Variants in GALNT11 observed in about 807,000 individuals in gnomAD.
GALNT11 encodes the protein polypeptide N-acetylgalactosaminyltransferase 11, also known as UDP-GalNAc:polypeptide N-acetylgalactosaminyltransferase 11.
A neutral mutation model predicts 72.7 loss-of-function variants in GALNT11; 47 were observed. The ratio of observed to expected loss-of-function variants is 0.65; its 90% CI spans 0.51 to 0.82. The LOEUF (loss-of-function observed/expected upper bound fraction) is 0.82, where lower values mean the gene tolerates loss of function less well. Ranked by LOEUF, GALNT11 falls within the 40% of genes least tolerant of loss-of-function variation. The pLI is 0.00. For synonymous variants in GALNT11, 270 were observed against 286.6 expected (o/e 0.94, Z 0.58); for missense variants, 677 against 778.4 (o/e 0.87, Z 1.55).
At chr7:152,057,751 TCC>T (rs869136108) in intron 1 of GALNT11, among the ~76,000 whole-genome samples, 2 of 150,468 alleles carry the variant, frequency 1.3e-5, no homozygotes, top group East Asian at 2.0e-4. Context: ...ATATCCAATT[TCC>T]CCTGTTATTA....
At chr7:152,076,493 T>G (rs2084988653) in intron 1 of GALNT11, among the ~76,000 whole-genome samples, 1 of 152,212 alleles carries the variant, frequency 6.6e-6, no homozygotes, top group South Asian at 2.1e-4. Flanking sequence ...GAAGCTTGAT[T>G]GTGCTGAGGA....
chr7:152,096,266 A>T (rs772918588), intron 2 of GALNT11, among the ~76,000 whole-genome samples: 20 of 152,210 alleles, frequency 1.3e-4, no homozygotes, highest in Non-Finnish European at 2.8e-4. Context: ...AAGAGGGAAA[A>T]GGTTATCCTA....
intron 1 of GALNT11, among the ~76,000 whole-genome samples, chr7:152,081,119 T>A (rs2085301314): frequency 6.6e-6 from 1 of 152,220 alleles, no homozygotes; most frequent in African/African-American, 2.4e-5. Context: ...CAGAAATGAT[T>A]TAGATTTCTG....
chr7:152,051,265 ATT>A (rs1406773149), intron 1 of GALNT11, among the ~76,000 whole-genome samples: 1 of 122,918 alleles, frequency 8.1e-6, no homozygotes, highest in Non-Finnish European at 1.6e-5. Context: ...CCAGATCCAC[ATT>A]TATTTGGTTG....
intron 1 of GALNT11, among the ~76,000 whole-genome samples, chr7:152,089,166 G>C (rs2085841106): frequency 6.6e-6 from 1 of 152,110 alleles, no homozygotes; most frequent in Non-Finnish European, 1.5e-5. Flanking sequence ...GTGGCTGATG[G>C]GTTGGGGATG....
chr7:152,089,410 C>T (rs747416744), intron 1 of GALNT11, among the ~76,000 whole-genome samples: 3 of 152,226 alleles, frequency 2.0e-5, no homozygotes, highest in Admixed American at 6.5e-5. Context: ...GGGTGCTCAT[C>T]GCAGTTGGAA....
At chr7:152,078,058 G>A (rs565906428) in intron 1 of GALNT11, among the ~76,000 whole-genome samples, 3 of 151,922 alleles carry the variant, frequency 2.0e-5, no homozygotes, top group East Asian at 1.9e-4. Context: ...GTGAGCCCCC[G>A]AGAGATCAGA....
chr7:152,083,370 A>G (rs1233304336), intron 1 of GALNT11, among the ~76,000 whole-genome samples: 1 of 152,078 alleles, frequency 6.6e-6, no homozygotes, highest in Non-Finnish European at 1.5e-5. Context: ...GTTTTTCCTT[A>G]TGGCTAAACA....
At chr7:152,089,405 C>T (rs2085861599) in intron 1 of GALNT11, among the ~76,000 whole-genome samples, 1 of 152,224 alleles carries the variant, frequency 6.6e-6, no homozygotes, top group Non-Finnish European at 1.5e-5. Context: ...AGAAAGGGTG[C>T]TCATCGCAGT....
At chr7:152,044,007 C>T (rs1179778269) in intron 1 of GALNT11, among the ~76,000 whole-genome samples, 1 of 152,158 alleles carries the variant, frequency 6.6e-6, no homozygotes, top group Non-Finnish European at 1.5e-5. Flanking sequence ...TCTGGTGACC[C>T]TTTGACCTGG....
chr7:152,055,093 T>C (rs2083595780), intron 1 of GALNT11, among the ~76,000 whole-genome samples: 1 of 152,200 alleles, frequency 6.6e-6, no homozygotes, highest in South Asian at 2.1e-4. Flanking sequence ...TCCATTGGTA[T>C]GTGTTCAGAT....
chr7:152,053,795 AC>A (rs1333593249), intron 1 of GALNT11, among the ~76,000 whole-genome samples: 6 of 152,194 alleles, frequency 3.9e-5, no homozygotes, highest in African/African-American at 1.4e-4. Context: ...GGAGTTTGAG[AC>A]CAGCCTGAGC....
chr7:152,040,946 G>A (rs2082827598), intron 1 of GALNT11, among the ~76,000 whole-genome samples: 3 of 152,200 alleles, frequency 2.0e-5, no homozygotes, highest in African/African-American at 7.2e-5. Context: ...GTGACTGGTT[G>A]TCCAGCTTTC....
chr7:152,040,233 G>A (rs1024480709), intron 1 of GALNT11, among the ~76,000 whole-genome samples: 3 of 151,788 alleles, frequency 2.0e-5, no homozygotes, highest in African/African-American at 7.3e-5. Flanking sequence ...TGATTGGCAT[G>A]TAGCCCAGAC....
chr7:152,061,354 T>A (rs1158109817), intron 1 of GALNT11, among the ~76,000 whole-genome samples: 9 of 152,302 alleles, frequency 5.9e-5, no homozygotes, highest in Admixed American at 2.6e-4. Flanking sequence ...GTTTGAGTTA[T>A]TTGTAGATTC....
intron 1 of GALNT11, among the ~76,000 whole-genome samples, chr7:152,090,646 A>AC (rs1206458085): frequency 1.7e-4 from 17 of 100,558 alleles, no homozygotes; most frequent in East Asian, 7.3e-4. Context: ...TTATTCCCCC[A>AC]CCCCCCCACC....
At chr7:152,105,128 TTTGC>T in intron 4 of GALNT11, 113 bp from the exon 5 acceptor site, 2 of 1,087,954 alleles carry the variant, frequency 1.8e-6, no homozygotes, top group Non-Finnish European at 2.6e-6. Context: ...TTCTGTAGTA[TTTGC>T]TTGATAGTTT....
At chr7:152,084,393 A>C (rs957138836) in intron 1 of GALNT11, among the ~76,000 whole-genome samples, 4 of 151,662 alleles carry the variant, frequency 2.6e-5, no homozygotes, top group African/African-American at 7.3e-5. Flanking sequence ...AAAAAAAAAA[A>C]AAAAAAAAAA....
intron 10 of GALNT11, chr7:152,119,944 C>T (rs942518863): frequency 6.6e-6 from 1 of 152,214 alleles, no homozygotes; most frequent in East Asian, 1.9e-4. Flanking sequence ...GTATTAAAAT[C>T]GCGGTGACGC....
Sources: allele counts gnomAD v4.1 joint callset (sites outside exome capture counted in the v4.1 genomes callset), GRCh38; gene constraint gnomAD v4.1.1; transcripts MANE v1.5; gene names NCBI Gene and HGNC (gene_info 2026-07-23, HGNC 2026-07-21).